Variants in GPR157 observed in about 807,000 individuals in gnomAD.
GPR157 encodes the protein G-protein coupled receptor 157.
Under a neutral mutation model 23.5 loss-of-function variants are expected in GPR157, and 16 were observed. That is an observed-to-expected ratio of 0.68 (90% CI 0.46 to 1.04). The LOEUF is 1.04. GPR157 is among the 50% of genes least tolerant of loss of function. GPR157 has a pLI of 0.00. For synonymous variants in GPR157, 200 were observed against 221.5 expected, an observed-to-expected ratio of 0.90 and a Z score of 0.86; for missense variants, 440 against 460.7, an observed-to-expected ratio of 0.96 and a Z score of 0.41.
At chr1:9,117,221 C>T (rs531346027) in intron 1 of GPR157, among the ~76,000 whole-genome samples, 5 of 152,176 alleles carry the variant, frequency 3.3e-5, no homozygotes, top group South Asian at 2.1e-4. Flanking sequence ...ATGGAACAAT[C>T]GGGTCTCTCA....
At position 9,128,533 on chromosome 1, in the gene GPR157, G is replaced by T; in HGVS notation, c.383+112C>A. ...AGCCTCGGGGGCGCCAGCAGGCACTGCTTGCTGTGGGTAGGGGGTGTCCAA... is the reference window on the plus strand; with the variant it reads ...AGCCTCGGGGGCGCCAGCAGGCACTTCTTGCTGTGGGTAGGGGGTGTCCAA... On this transcript the variant is annotated intron_variant, in intron 1 of 3. Transcript: ENST00000377411. The surrounding 1 kb of genome is among the most constrained non-coding windows in gnomAD (Gnocchi z 6.3). The T allele has an allele frequency of 9.6e-7, 1 of 1,037,162 alleles. No homozygotes were observed. The highest frequency in any genetic ancestry group is 1.4e-6 in the Non-Finnish European group (1 of 693,288). 64.2% of individuals were successfully genotyped at this position (1,037,162 alleles called of 1,614,324 possible).
intron 1 of GPR157, 60 bp from the exon 2 acceptor site, chr1:9,111,549 C>T (rs950470580): frequency 5.8e-5 from 83 of 1,427,082 alleles, no homozygotes; most frequent in Non-Finnish European, 7.5e-5. Context: ...GCAATGTCAG[C>T]CTTCGCAAAA....
chr1:9,127,092 G>A (rs576713529), intron 1 of GPR157, among the ~76,000 whole-genome samples: 2 of 151,962 alleles, frequency 1.3e-5, no homozygotes, highest in Admixed American at 1.3e-4. Context: ...CACTGTGTTG[G>A]CCAGTTGAAC....
rs3737668 is a variant in GPR157 at position 9,104,141 on chromosome 1, G to A, written c.*278C>T. ...ACTGGGTGGGGGCACTGTGGCCACA[G>A]CTGTGGGCCACCGGCTTCCCGAATC... On this transcript the variant is annotated 3_prime_UTR_variant, in exon 4 of 4. Transcript: ENST00000377411. 0.53 allele frequency: 233,644 copies of A among 437,864 alleles called. 62,982 individuals carry two copies. The highest frequency in any genetic ancestry group is 0.57 in the Admixed American group (16,371 of 28,838). The allele number at this position is 437,864 out of a possible 1,614,324, so 27.1% of individuals were successfully genotyped here.
In GPR157 at chr1:9,118,898, G is replaced by C. The variant is rs1037408058; in HGVS notation, c.384-7409C>G. 4.6e-5 allele frequency among the ~76,000 whole-genome samples: 7 copies of C among 152,136 alleles called. No homozygotes were observed. Among genetic ancestry groups the C allele is most frequent in the Non-Finnish European group, 7.4e-5 (5 of 68,024 alleles). ...AAAAATACATAAATTAGCCAGGCGT[G>C]GTGGCACACACCTGAAGTCCCAGCT... On this transcript the variant is annotated intron_variant, in intron 1 of 3. Coordinates refer to ENST00000377411, the MANE Select transcript of GPR157 (RefSeq NM_024980.5). This position sits in a 1 kb window ranked among gnomAD's most constrained non-coding sequence, Gnocchi z 4.6.
intron 1 of GPR157, among the ~76,000 whole-genome samples, chr1:9,125,072 T>G (rs879174724): frequency 9.9e-5 from 15 of 152,180 alleles, no homozygotes; most frequent in African/African-American, 3.1e-4. Flanking sequence ...CCTGCCGATC[T>G]GCCTGGGAAC....
chr1:9,117,618 C>T (rs1224286205), intron 1 of GPR157, among the ~76,000 whole-genome samples: 2 of 152,092 alleles, frequency 1.3e-5, no homozygotes, highest in Admixed American at 6.6e-5. Flanking sequence ...AAAAATTAGC[C>T]GGACGTGGTG....
rs1449551480 is a variant in GPR157, at chr1:9,101,475, G to C, written c.*2944C>G. 6.6e-6 allele frequency: 1 copy of C among 152,242 alleles called. No individual in the cohort carries two copies. Among genetic ancestry groups the C allele is most frequent in the Non-Finnish European group, 1.5e-5 (1 of 68,084 alleles). The allele number at this position is 152,242 out of a possible 1,614,324, so 9.4% of individuals were successfully genotyped here. ...AGAAGGAGGCGATATTGCTGTTTTC[G>C]AGGTCGATGGGCCAGGGGCCTGGGC... On this transcript the variant is annotated 3_prime_UTR_variant, in exon 4 of 4. Transcript: ENST00000377411.
In GPR157 at chr1:9,118,593, T is replaced by C. The variant is rs1033013869; in HGVS notation, c.384-7104A>G. On this transcript the variant is annotated intron_variant, in intron 1 of 3. Transcript: ENST00000377411. This position sits in a 1 kb window ranked among gnomAD's most constrained non-coding sequence, Gnocchi z 4.6. ...CACTCAGAGGCCGTTAAGGGTTCAATTGTGTCCCCTACAAATTTCATCTGT... is the reference window on the plus strand; with the variant it reads ...CACTCAGAGGCCGTTAAGGGTTCAACTGTGTCCCCTACAAATTTCATCTGT... Among the ~76,000 whole-genome samples, 1 of 152,304 alleles carries C rather than the reference T, an allele frequency of 6.6e-6. No individual in the cohort carries two copies. The highest frequency in any genetic ancestry group is 2.4e-5 in the African/African-American group (1 of 41,560).
intron 2 of GPR157, among the ~76,000 whole-genome samples, chr1:9,108,960 T>G (rs552607815): frequency 1.2e-4 from 19 of 152,140 alleles, no homozygotes; most frequent in African/African-American, 4.6e-4. Context: ...TAATTTTTTG[T>G]ATTTTTCATA....
intron 2 of GPR157, among the ~76,000 whole-genome samples, chr1:9,108,976 A>G (rs1429808210): frequency 6.6e-6 from 1 of 151,922 alleles, no homozygotes; most frequent in Non-Finnish European, 1.5e-5. Flanking sequence ...TCATAGAGAC[A>G]GAGTTTCACC....
intron 2 of GPR157, among the ~76,000 whole-genome samples, chr1:9,108,137 C>T (rs569980268): frequency 2.2e-4 from 33 of 152,178 alleles, no homozygotes; most frequent in African/African-American, 6.0e-4. Context: ...GGGATGCTGA[C>T]GGCCCAGGGG....
chr1:9,114,752 G>T (rs1638598699), intron 1 of GPR157, among the ~76,000 whole-genome samples: 1 of 151,968 alleles, frequency 6.6e-6, no homozygotes, highest in African/African-American at 2.4e-5. Flanking sequence ...TTTTGAAAGG[G>T]TTAAGAATGT....
intron 1 of GPR157, among the ~76,000 whole-genome samples, chr1:9,121,992 G>A (rs951683074): frequency 2.0e-5 from 3 of 152,172 alleles, no homozygotes; most frequent in African/African-American, 7.2e-5. Flanking sequence ...TATGCTCACA[G>A]GCCATACAGC....
At chr1:9,114,300 G>C (rs572906900) in intron 1 of GPR157, among the ~76,000 whole-genome samples, 1 of 139,210 alleles carries the variant, frequency 7.2e-6, no homozygotes, top group Admixed American at 7.8e-5. Context: ...CTGAACTCCA[G>C]CCTGGGTGAC....
chr1:9,127,944 C>T (rs1045890424), intron 1 of GPR157, among the ~76,000 whole-genome samples: 2 of 152,138 alleles, frequency 1.3e-5, no homozygotes, highest in Non-Finnish European at 2.9e-5. Context: ...ACGCTTGAAT[C>T]GCAAAGTAAG....
At chr1:9,122,124 A>G (rs563732349) in intron 1 of GPR157, among the ~76,000 whole-genome samples, 1 of 152,236 alleles carries the variant, frequency 6.6e-6, no homozygotes, top group East Asian at 1.9e-4. Flanking sequence ...CCACTCTTGG[A>G]AAGGCAGGTC....
Position 9,105,062 on chromosome 1 carries a change from C to CACACACACATGCAT in GPR157, c.792+423_792+424insATGCATGTGTGTGT, listed in dbSNP as rs1638257451. 6.8e-6 allele frequency among the ~76,000 whole-genome samples: 1 copy of CACACACACATGCAT among 146,816 alleles called. No homozygotes were observed. The highest frequency in any genetic ancestry group is 1.5e-5 in the Non-Finnish European group (1 of 67,182). On this transcript the variant is annotated intron_variant, in intron 3 of 3. Transcript: ENST00000377411. This position sits in a 1 kb window ranked among gnomAD's most constrained non-coding sequence, Gnocchi z 4.8. Reference sequence around the variant, plus strand: ...ACACACACACACACACACACACACACACACACATGCATACACACATGCATA... The same window carrying CACACACACATGCAT: ...ACACACACACACACACACACACACACACACACACATGCATACACACATGCATACACACATGCATA...
Position 9,101,344 on chromosome 1 carries a change from C to T in GPR157, c.*3075G>A, listed in dbSNP as rs548135394. ...GTGCTGGGATTACAGGCGTGAGCCA[C>T]TGCGCCTGGCCCCCTCCTGGACTTT... On this transcript the variant is annotated 3_prime_UTR_variant, in exon 4 of 4. Coordinates refer to ENST00000377411, the MANE Select transcript of GPR157 (RefSeq NM_024980.5). 6.6e-6 allele frequency: 1 copy of T among 152,316 alleles called. No homozygotes were observed. Among genetic ancestry groups the T allele is most frequent in the East Asian group, 1.9e-4 (1 of 5,144 alleles). The allele number at this position is 152,316 out of a possible 1,614,324, so 9.4% of individuals were successfully genotyped here.
Sources: gnomAD v4.1 joint callset for allele counts (sites outside exome capture counted in the v4.1 genomes callset) on GRCh38, gnomAD v4.1.1 for gene constraint, Gnocchi (gnomAD v3.1) non-coding constraint, MANE v1.5 for transcripts, NCBI Gene and HGNC (gene_info 2026-07-23, HGNC 2026-07-21) for gene names.